The following WNT7A variants were observed in gnomAD, a reference collection of about 807,000 sequenced individuals.
WNT7A encodes protein Wnt-7a.
In WNT7A, 16 loss-of-function variants were observed where a neutral mutation model predicts 28.2. The ratio of observed to expected loss-of-function variants is 0.57; its 90% CI spans 0.38 to 0.86. WNT7A has a LOEUF of 0.86. Among genes scored for constraint, WNT7A ranks in the 40% least tolerant of loss-of-function variants. WNT7A has a pLI of 0.00. For synonymous variants in WNT7A, 190 were observed against 195.9 expected, an observed-to-expected ratio of 0.97 and a Z score of 0.25; for missense variants, 411 against 489.7, an observed-to-expected ratio of 0.84 and a Z score of 1.52.
intron 2 of WNT7A, among the ~76,000 whole-genome samples, chr3:13,862,763 A>T (rs1020087760): frequency 6.6e-6 from 1 of 152,192 alleles, no homozygotes; most frequent in African/African-American, 2.4e-5. Context: ...TCTCCATCCA[A>T]GGGTCTCTCT....
intron 2 of WNT7A, among the ~76,000 whole-genome samples, chr3:13,856,688 C>T (rs1313057676): frequency 6.6e-6 from 1 of 151,980 alleles, no homozygotes; most frequent in Admixed American, 6.6e-5. Flanking sequence ...CATGGTGACA[C>T]ATGCTTGTAA....
At position 13,879,910 on chromosome 3, in the gene WNT7A, C is replaced by G. The variant is rs886856185; in HGVS notation, c.-94G>C. 6 of 1,001,558 alleles carry G rather than the reference C, an allele frequency of 6.0e-6. No homozygotes were observed. The African/African-American group carries it at 6.8e-5, about 11-fold the overall frequency. 62.0% of individuals were successfully genotyped at this position (1,001,558 alleles called of 1,614,324 possible). Reference sequence around the variant, plus strand: ...ATCAACATAGCCCGCCCGGGAGGCGCGAGCCGAGGCGTCCCCGGGGCCGTC... The same window carrying G: ...ATCAACATAGCCCGCCCGGGAGGCGGGAGCCGAGGCGTCCCCGGGGCCGTC... On this transcript the variant is annotated 5_prime_UTR_variant, in exon 1 of 4. Coordinates refer to ENST00000285018, the MANE Select transcript of WNT7A (RefSeq NM_004625.4).
chr3:13,851,067 A>G (rs933904032), intron 3 of WNT7A, among the ~76,000 whole-genome samples: 4 of 152,110 alleles, frequency 2.6e-5, no homozygotes, highest in African/African-American at 9.7e-5. Flanking sequence ...CACACCAAGT[A>G]CACCTGACAC....
chr3:13,848,347 T>C (rs1367522171), intron 3 of WNT7A, among the ~76,000 whole-genome samples: 1 of 152,230 alleles, frequency 6.6e-6, no homozygotes, highest in Non-Finnish European at 1.5e-5. Context: ...TACTGGCTGC[T>C]AGAGTATATA....
intron 3 of WNT7A, among the ~76,000 whole-genome samples, chr3:13,826,153 T>A (rs1321131515): frequency 2.0e-5 from 3 of 152,192 alleles, no homozygotes; most frequent in Non-Finnish European, 4.4e-5. Context: ...AGGAAGACTA[T>A]GACACAAGGA....
In WNT7A at chr3:13,865,339, G is replaced by T. The variant is rs147385476; in HGVS notation, c.298+9608C>A. Among the ~76,000 whole-genome samples the T allele has an allele frequency of 5.0e-3, 768 of 152,284 alleles. 1 individual carries two copies. The highest frequency in any genetic ancestry group is 0.017 in the African/African-American group (723 of 41,540). On this transcript the variant is annotated intron_variant, in intron 2 of 3. Transcript: ENST00000285018. Reference sequence around the variant, plus strand: ...TCCCCGGGGCAGCTGGCAGTAGGCGGCAGGTGGAGCCTGGGAACGGGCACA... The same window carrying T: ...TCCCCGGGGCAGCTGGCAGTAGGCGTCAGGTGGAGCCTGGGAACGGGCACA...
chr3:13,862,572 C>A (rs1694848176), intron 2 of WNT7A, among the ~76,000 whole-genome samples: 2 of 152,244 alleles, frequency 1.3e-5, no homozygotes, highest in South Asian at 4.1e-4. Flanking sequence ...CAGTTCATAG[C>A]CCCTCTGGGC....
In WNT7A at chr3:13,856,939, A is replaced by AGAAGAAGAAGAAGAAGG. The variant is rs1694748942; in HGVS notation, c.299-2137_299-2136insCCTTCTTCTTCTTCTTC. Among the ~76,000 whole-genome samples the AGAAGAAGAAGAAGAAGG allele has an allele frequency of 2.7e-5, 3 of 110,536 alleles. No individual in the cohort carries two copies. In the East Asian group the frequency reaches 1.4e-3, roughly 50 times the overall value. The allele number at this position is 110,536 out of a possible 152,430, so 72.5% of individuals were successfully genotyped here. A position where few individuals can be genotyped will look rare whatever the true frequency, so the allele number is the denominator to read the frequency against. On this transcript the variant is annotated intron_variant, in intron 2 of 3. Transcript: ENST00000285018. Reference sequence around the variant, plus strand: ...GAAGAAGAAGAAGAAGAAGAAGAAGAAGAAGAAGAAGAAGAAGAAGAAGAA... The same window carrying AGAAGAAGAAGAAGAAGG: ...GAAGAAGAAGAAGAAGAAGAAGAAGAGAAGAAGAAGAAGAAGGAGAAGAAGAAGAAGAAGAAGAAGAA...
chr3:13,832,035 ACAGGCTCC>A (rs1317022190), intron 3 of WNT7A, among the ~76,000 whole-genome samples: 1 of 151,980 alleles, frequency 6.6e-6, no homozygotes, highest in East Asian at 1.9e-4. Flanking sequence ...GATAGGTGCT[ACAGGCTCC>A]CATCCAGAGC....
intron 3 of WNT7A, among the ~76,000 whole-genome samples, chr3:13,822,466 C>T (rs1020087729): frequency 6.6e-6 from 1 of 152,214 alleles, no homozygotes. Context: ...TAGCCAGATG[C>T]AAAAGGCCAC....
At position 13,819,196 on chromosome 3, in the gene WNT7A, C is replaced by T. The variant is rs552714021; in HGVS notation, c.798G>A (p.Thr266=). The T allele has an allele frequency of 1.9e-5, 31 of 1,614,224 alleles. No individual in the cohort carries two copies. Among genetic ancestry groups the T allele is most frequent in the Admixed American group, 3.3e-5 (2 of 60,030 alleles). ...KPLSYRKPMD[T]DLVYIEKSPN... ...GCGACTTCTCGATGTACACCAGGTC[C>T]GTGTCCATGGGCTTGCGGTACGACA... Residue 266 remains threonine, a synonymous_variant, in exon 4 of 4, where the codon ACG becomes ACA. Coordinates refer to ENST00000285018, the MANE Select transcript of WNT7A (RefSeq NM_004625.4).
At chr3:13,867,851 C>T (rs1023591620) in intron 2 of WNT7A, among the ~76,000 whole-genome samples, 2 of 152,166 alleles carry the variant, frequency 1.3e-5, no homozygotes, top group African/African-American at 2.4e-5. Context: ...ATATTTCAAC[C>T]TCATCACTTC....
Position 13,835,364 on chromosome 3 carries a change from C to T in WNT7A, c.571-15941G>A, listed in dbSNP as rs574197546. On this transcript the variant is annotated intron_variant, in intron 3 of 3. Transcript: ENST00000285018. ...GAACCAGAGAGAGAACGGGAAAGCA[C>T]GCAGAAACCAGAGGACCACCCGCCT... Among the ~76,000 whole-genome samples the T allele has an allele frequency of 5.9e-5, 9 of 152,340 alleles. No individual in the cohort carries two copies. The East Asian group carries it at 1.5e-3, about 26-fold the overall frequency.
rs773384342 is a variant in WNT7A, at chr3:13,854,778, G to A, written c.324C>T (p.Tyr108=). The A allele has an allele frequency of 3.2e-5, 51 of 1,613,300 alleles. No homozygotes were observed. The highest frequency in any genetic ancestry group is 1.6e-4 in the East Asian group (7 of 44,882). Residue 108 remains tyrosine, a synonymous_variant, in exon 3 of 4, where the codon TAC becomes TAT. Transcript: ENST00000285018. ...KVGSREAAFT[Y]AIIAAGVAHA... ...GGGCCACGCCGGCGGCAATGATGGC[G>A]TAGGTGAACGCAGCCTCCCGGCTCC...
intron 3 of WNT7A, among the ~76,000 whole-genome samples, chr3:13,822,738 T>C (rs1293673705): frequency 6.6e-6 from 1 of 152,238 alleles, no homozygotes; most frequent in Non-Finnish European, 1.5e-5. Flanking sequence ...AGTAAAGTTG[T>C]TTTCTTAAAA....
At chr3:13,878,290 A>C (rs1237062792) in intron 1 of WNT7A, among the ~76,000 whole-genome samples, 2 of 152,068 alleles carry the variant, frequency 1.3e-5, no homozygotes, top group African/African-American at 4.8e-5. Flanking sequence ...CCCCGTTTCT[A>C]ATTAAAAAGG....
chr3:13,837,663 A>G (rs1575063589), intron 3 of WNT7A, among the ~76,000 whole-genome samples: 1 of 152,268 alleles, frequency 6.6e-6, no homozygotes, highest in Admixed American at 6.5e-5. Context: ...TCAAGGCTGA[A>G]GCATCCCGGA....
At chr3:13,874,694 G>A (rs1695076993) in intron 2 of WNT7A, among the ~76,000 whole-genome samples, 2 of 151,876 alleles carry the variant, frequency 1.3e-5, no homozygotes, top group African/African-American at 2.4e-5. Context: ...CACCAGCACT[G>A]TATCAGAGGT....
At chr3:13,847,495 G>T (rs573163818) in intron 3 of WNT7A, among the ~76,000 whole-genome samples, 1 of 152,296 alleles carries the variant, frequency 6.6e-6, no homozygotes, top group South Asian at 2.1e-4. Flanking sequence ...ACAGAAGAGA[G>T]AATCTCCAGC....
Sources: allele counts gnomAD v4.1 joint callset (sites outside exome capture counted in the v4.1 genomes callset), GRCh38; gene constraint gnomAD v4.1.1; transcripts MANE v1.5; gene names NCBI Gene and HGNC (gene_info 2026-07-23, HGNC 2026-07-21).